The following AGAP1 variants were observed in gnomAD, a reference collection of about 807,000 sequenced individuals.
AGAP1 encodes the protein arf-GAP with GTPase, ANK repeat and PH domain-containing protein 1.
In AGAP1, 29 loss-of-function variants were observed where a neutral mutation model predicts 105.3. The observed-to-expected ratio is 0.28, with a 90% CI of 0.21 to 0.38. AGAP1 has a LOEUF of 0.38. Ranked by LOEUF, AGAP1 falls within the 10% of genes least tolerant of loss-of-function variation. AGAP1 has a pLI of 1.00. For missense variants in AGAP1, 998 were observed against 1,165.1 expected (o/e 0.86, Z 2.09); for synonymous variants, 509 against 485.9 (o/e 1.05, Z -0.63).
At chr2:235,518,007 T>C (rs1245149580) in intron 1 of AGAP1, among the ~76,000 whole-genome samples, 3 of 151,948 alleles carry the variant, frequency 2.0e-5, no homozygotes, top group Non-Finnish European at 2.9e-5. Context: ...CTTGCCTCAG[T>C]TGGGGTTCTT....
chr2:235,910,471 A>G (rs549484411), intron 11 of AGAP1, among the ~76,000 whole-genome samples: 2 of 152,320 alleles, frequency 1.3e-5, no homozygotes, highest in East Asian at 1.9e-4. Flanking sequence ...CTTCCAAGAC[A>G]TCCGTGAGAT....
chr2:236,047,108 C>T (rs1413901410), intron 15 of AGAP1, among the ~76,000 whole-genome samples: 1 of 151,770 alleles, frequency 6.6e-6, no homozygotes, highest in Non-Finnish European at 1.5e-5. Context: ...GACCCTATCT[C>T]AAAAAAAGAG....
intron 13 of AGAP1, among the ~76,000 whole-genome samples, chr2:236,004,979 T>C (rs1165196025): frequency 2.6e-5 from 4 of 152,232 alleles, no homozygotes; most frequent in Non-Finnish European, 5.9e-5. Flanking sequence ...GAAAAAATAA[T>C]ATTCCTGTTC....
chr2:235,942,185 C>T (rs1337679300), intron 12 of AGAP1, among the ~76,000 whole-genome samples: 3 of 152,134 alleles, frequency 2.0e-5, no homozygotes, highest in Non-Finnish European at 2.9e-5. Flanking sequence ...GTAGACAGCT[C>T]ATGCCAGGCT....
chr2:235,533,014 T>C (rs1325087188), intron 1 of AGAP1, among the ~76,000 whole-genome samples: 1 of 152,106 alleles, frequency 6.6e-6, no homozygotes, highest in Non-Finnish European at 1.5e-5. Flanking sequence ...AATCAATCAA[T>C]CAATATCAGT....
chr2:235,875,171 C>T lies in AGAP1; in HGVS notation c.1051-8174C>T, dbSNP rs985387618. Reference sequence around the variant, plus strand: ...TTGTTTTATAAATGAGGTCACTTTTCAACCTTACTGGTCCATGGCCCTGTC... The same window carrying T: ...TTGTTTTATAAATGAGGTCACTTTTTAACCTTACTGGTCCATGGCCCTGTC... On this transcript the variant is annotated intron_variant, in intron 9 of 17. Coordinates refer to ENST00000304032, the MANE Select transcript of AGAP1 (RefSeq NM_001037131.3). This position sits in a 1 kb window ranked among gnomAD's most constrained non-coding sequence, Gnocchi z 4.0. 1.3e-5 allele frequency among the ~76,000 whole-genome samples: 2 copies of T among 152,190 alleles called. No individual in the cohort carries two copies. Among genetic ancestry groups the T allele is most frequent in the Non-Finnish European group, 2.9e-5 (2 of 68,036 alleles).
At chr2:235,827,091 A>G (rs990490601) in intron 9 of AGAP1, among the ~76,000 whole-genome samples, 7 of 152,318 alleles carry the variant, frequency 4.6e-5, no homozygotes, top group Admixed American at 3.3e-4. Flanking sequence ...GCGTCTCCCC[A>G]GATTGCAGAG....
In AGAP1 at chr2:235,934,441, C is replaced by G. The variant is rs992112166; in HGVS notation, c.1483+3518C>G. Reference sequence around the variant, plus strand: ...TCCCTCTGGTTCGCGTCATTCCCCCCTTTAGTGTGCTGCTTCGTCAAGTGG... The same window carrying G: ...TCCCTCTGGTTCGCGTCATTCCCCCGTTTAGTGTGCTGCTTCGTCAAGTGG... On this transcript the variant is annotated intron_variant, in intron 12 of 17. Transcript: ENST00000304032. The surrounding 1 kb of genome is among the most constrained non-coding windows in gnomAD (Gnocchi z 4.9). Among the ~76,000 whole-genome samples, 16 of 152,302 alleles carry G rather than the reference C, an allele frequency of 1.1e-4. No homozygotes were observed. Among genetic ancestry groups the G allele is most frequent in the African/African-American group, 3.1e-4 (13 of 41,568 alleles).
intron 11 of AGAP1, among the ~76,000 whole-genome samples, chr2:235,910,471 A>C (rs549484411): frequency 1.3e-5 from 2 of 152,202 alleles, no homozygotes; most frequent in Admixed American, 1.3e-4. Flanking sequence ...CTTCCAAGAC[A>C]TCCGTGAGAT....
chr2:235,520,204 G>A (rs1205602343), intron 1 of AGAP1, among the ~76,000 whole-genome samples: 5 of 152,194 alleles, frequency 3.3e-5, no homozygotes, highest in African/African-American at 1.2e-4. Context: ...TTTAGAAAAT[G>A]AACAGTTCCT....
chr2:235,775,858 C>G (rs888997423), intron 6 of AGAP1: 1 of 151,944 alleles, frequency 6.6e-6, no homozygotes, highest in Non-Finnish European at 1.5e-5. Flanking sequence ...TATAAGTTTT[C>G]AAGGAGGTTG....
chr2:236,018,126 CTT>C (rs1195777258), intron 13 of AGAP1, among the ~76,000 whole-genome samples: 1 of 152,220 alleles, frequency 6.6e-6, no homozygotes, highest in Non-Finnish European at 1.5e-5. Context: ...AATGTACAAA[CTT>C]TTGTTGCTTT....
At position 235,764,016 on chromosome 2, in the gene AGAP1, ACCCGTGCGTGGCTTTGG is replaced by A. The variant is rs946344178; in HGVS notation, c.673+13542_673+13558del. Among the ~76,000 whole-genome samples, 11 of 151,956 alleles carry A rather than the reference ACCCGTGCGTGGCTTTGG, an allele frequency of 7.2e-5. No homozygotes were observed. In the South Asian group the frequency reaches 1.5e-3, roughly 20 times the overall value. The stretch of plus-strand genomic sequence containing the variant: ...TGGCTGTGATCCGTGCGTGGCTGTG[ACCCGTGCGTGGCTTTGG>A]CCCGTGCGTGGCTCCGGCCCGTGTG... On this transcript the variant is annotated intron_variant, in intron 6 of 17. Coordinates refer to ENST00000304032, the MANE Select transcript of AGAP1 (RefSeq NM_001037131.3).
chr2:235,812,906 G>C (rs1347377767), intron 9 of AGAP1, among the ~76,000 whole-genome samples: 1 of 152,254 alleles, frequency 6.6e-6, no homozygotes, highest in East Asian at 1.9e-4. Flanking sequence ...CCCAGAAGCA[G>C]ATAATTTACA....
chr2:235,681,843 C>CTTTGTTTT (rs1949088876), intron 1 of AGAP1, among the ~76,000 whole-genome samples: 1 of 78,304 alleles, frequency 1.3e-5, no homozygotes, highest in Non-Finnish European at 2.4e-5. Flanking sequence ...ATTTAGTTTG[C>CTTTGTTTT]TTTTTTTTTT....
intron 6 of AGAP1, among the ~76,000 whole-genome samples, chr2:235,772,806 C>T (rs552860281): frequency 6.6e-6 from 1 of 152,308 alleles, no homozygotes; most frequent in East Asian, 1.9e-4. Flanking sequence ...GCCCTCGGAG[C>T]CTGGGATGCA....
At chr2:235,856,099 A>G (rs1458409556) in intron 9 of AGAP1, among the ~76,000 whole-genome samples, 8 of 151,992 alleles carry the variant, frequency 5.3e-5, no homozygotes, top group African/African-American at 1.7e-4. Context: ...TTTTTAGTAG[A>G]GGCGGGGTTT....
intron 1 of AGAP1, among the ~76,000 whole-genome samples, chr2:235,648,719 A>C (rs74694385): frequency 2.0e-5 from 1 of 49,124 alleles, no homozygotes; most frequent in East Asian, 7.1e-4. Flanking sequence ...AAAAAAAAAA[A>C]AAAAAAAAAA....
In AGAP1 at chr2:235,971,513, A is replaced by T. The variant is rs1375781128; in HGVS notation, c.1645+2890A>T. ...CAGGAGATCGAGACCATCCTGGCTA[A>T]CACAATGAAACCCCGTCTCTACTAA... is the stretch of plus-strand genomic sequence containing the variant. On this transcript the variant is annotated intron_variant, in intron 13 of 17. Transcript: ENST00000304032. The surrounding 1 kb of genome is among the most constrained non-coding windows in gnomAD (Gnocchi z 4.8). Among the ~76,000 whole-genome samples, 6 of 152,100 alleles carry T rather than the reference A, an allele frequency of 3.9e-5. No homozygotes were observed. The highest frequency in any genetic ancestry group is 4.8e-5 in the African/African-American group (2 of 41,450).
Sources: allele counts gnomAD v4.1 joint callset (sites outside exome capture counted in the v4.1 genomes callset), GRCh38; gene constraint gnomAD v4.1.1; non-coding constraint Gnocchi (gnomAD v3.1); transcripts MANE v1.5; gene names NCBI Gene and HGNC (gene_info 2026-07-23, HGNC 2026-07-21).